Variants in NAALADL2 observed in about 807,000 individuals in gnomAD.
NAALADL2 encodes the protein inactive N-acetylated-alpha-linked acidic dipeptidase-like protein 2.
In NAALADL2, 76 loss-of-function variants were observed where a neutral mutation model predicts 87.2. The ratio of observed to expected loss-of-function variants is 0.87; its 90% CI spans 0.72 to 1.05. The LOEUF (loss-of-function observed/expected upper bound fraction) is 1.05, where lower values mean the gene tolerates loss of function less well. Among genes scored for constraint, NAALADL2 ranks in the 50% least tolerant of loss-of-function variants. NAALADL2 has a pLI of 0.00. For synonymous variants in NAALADL2, 354 were observed against 331.0 expected (o/e 1.07, Z -0.75); for missense variants, 1,089 against 945.8 (o/e 1.15, Z -1.99).
At chr3:175,456,968 T>A (rs550438322) in intron 6 of NAALADL2, among the ~76,000 whole-genome samples, 36 of 152,168 alleles carry the variant, frequency 2.4e-4, no homozygotes, top group African/African-American at 8.7e-4. Context: ...TCTGGGTCTA[T>A]CTGATGTTAT....
intron 3 of NAALADL2, among the ~76,000 whole-genome samples, chr3:174,833,051 T>C (rs1722913991): frequency 1.3e-5 from 2 of 152,336 alleles, no homozygotes; most frequent in Admixed American, 6.5e-5. Context: ...TCCTTCACTT[T>C]CTTCCATTCT....
intron 3 of NAALADL2, among the ~76,000 whole-genome samples, chr3:174,796,113 G>T (rs539881780): frequency 6.0e-4 from 91 of 152,286 alleles, no homozygotes; most frequent in African/African-American, 2.1e-3. Flanking sequence ...AAGAGAGACA[G>T]ATACGAGAGA....
At chr3:175,649,505 T>C (rs1211289465) in intron 11 of NAALADL2, among the ~76,000 whole-genome samples, 1 of 151,920 alleles carries the variant, frequency 6.6e-6, no homozygotes, top group Non-Finnish European at 1.5e-5. Context: ...TATAAATTAG[T>C]TTTCTCATAG....
intron 2 of NAALADL2, among the ~76,000 whole-genome samples, chr3:175,225,795 G>A (rs973273506): frequency 2.6e-5 from 4 of 151,966 alleles, no homozygotes; most frequent in African/African-American, 4.8e-5. Flanking sequence ...TGTCCATTCC[G>A]TGAGTCTGCT....
At chr3:175,226,681 T>G (rs1315171399) in intron 2 of NAALADL2, among the ~76,000 whole-genome samples, 1 of 152,090 alleles carries the variant, frequency 6.6e-6, no homozygotes, top group African/African-American at 2.4e-5. Context: ...TAATATAAAA[T>G]TTGTAGTTAC....
intron 11 of NAALADL2, among the ~76,000 whole-genome samples, chr3:175,667,236 AAAGAAAAAGAAAGAAAGAAAG>A (rs1560943497): frequency 5.0e-5 from 5 of 100,642 alleles, no homozygotes; most frequent in African/African-American, 3.1e-4. Context: ...AGAAAGAAAG[AAAGAAAAAGAAAGAAAGAAAG>A]AAAGAAAGGA....
Position 175,283,170 on chromosome 3 carries a change from G to A in NAALADL2, c.939+26640G>A, listed in dbSNP as rs529708609. ...ATTCAGATATACTCAATATCTATGTGCATTAATATTTTAAGATTAAGTTTA... is the reference window on the plus strand; with the variant it reads ...ATTCAGATATACTCAATATCTATGTACATTAATATTTTAAGATTAAGTTTA... On this transcript the variant is annotated intron_variant, in intron 4 of 13. Coordinates refer to ENST00000454872, the MANE Select transcript of NAALADL2 (RefSeq NM_207015.3). Among the ~76,000 whole-genome samples, 9 of 152,138 alleles carry A rather than the reference G, an allele frequency of 5.9e-5. No individual in the cohort carries two copies. The South Asian group carries it at 1.9e-3, about 32-fold the overall frequency.
intron 11 of NAALADL2, among the ~76,000 whole-genome samples, chr3:175,642,563 C>T (rs552882389): frequency 6.7e-6 from 1 of 149,654 alleles, no homozygotes; most frequent in Non-Finnish European, 1.5e-5. Context: ...TGCAGTGGTG[C>T]GATCTCGGCT....
intron 2 of NAALADL2, among the ~76,000 whole-genome samples, chr3:174,733,626 G>C (rs780835677): frequency 7.2e-5 from 11 of 152,160 alleles, no homozygotes; most frequent in Non-Finnish European, 1.3e-4. Flanking sequence ...TTCTGTTACC[G>C]AAACACCAGG....
chr3:175,585,930 C>A lies in NAALADL2; in HGVS notation c.1800+9743C>A, dbSNP rs183191531. On this transcript the variant is annotated intron_variant, in intron 10 of 13. Transcript: ENST00000454872. ...TAATTTCCATGACAATGCCACATTT[C>A]TTTGAGTAGAATATTTTTAGATTTG... Among the ~76,000 whole-genome samples the A allele has an allele frequency of 2.9e-3, 448 of 152,198 alleles. 1 individual carries two copies. Among genetic ancestry groups the A allele is most frequent in the Middle Eastern group, 0.024 (7 of 294 alleles).
intron 1 of NAALADL2, among the ~76,000 whole-genome samples, chr3:175,092,853 G>A (rs1378219713): frequency 6.6e-6 from 1 of 151,822 alleles, no homozygotes; most frequent in Admixed American, 6.6e-5. Flanking sequence ...TGTCACCTAA[G>A]TGAATAAGAT....
intron 2 of NAALADL2, among the ~76,000 whole-genome samples, chr3:174,733,839 G>T (rs1732934390): frequency 6.6e-6 from 1 of 152,122 alleles, no homozygotes; most frequent in African/African-American, 2.4e-5. Flanking sequence ...AACTTGGGAG[G>T]GTTAAGAGCA....
At chr3:175,126,056 C>T (rs1346210001) in intron 2 of NAALADL2, among the ~76,000 whole-genome samples, 1 of 152,026 alleles carries the variant, frequency 6.6e-6, no homozygotes, top group African/African-American at 2.4e-5. Flanking sequence ...CCTTGCTATA[C>T]ATAAAACAAT....
At chr3:175,585,889 A>G (rs1041575307) in intron 10 of NAALADL2, among the ~76,000 whole-genome samples, 9 of 152,218 alleles carry the variant, frequency 5.9e-5, no homozygotes, top group African/African-American at 2.2e-4. Flanking sequence ...GAGGAGATGA[A>G]CAAGTTCATG....
At chr3:175,167,729 T>G (rs1734196735) in intron 2 of NAALADL2, among the ~76,000 whole-genome samples, 1 of 152,010 alleles carries the variant, frequency 6.6e-6, no homozygotes, top group Non-Finnish European at 1.5e-5. Flanking sequence ...CATCCCCACT[T>G]CTCATGCTGC....
At chr3:175,089,943 A>G (rs2108309701) in intron 1 of NAALADL2, among the ~76,000 whole-genome samples, 1 of 152,248 alleles carries the variant, frequency 6.6e-6, no homozygotes, top group African/African-American at 2.4e-5. Context: ...CCTGAATATT[A>G]AAATTTTTTC....
chr3:175,721,679 C>T (rs986920546), intron 11 of NAALADL2, among the ~76,000 whole-genome samples: 1 of 152,072 alleles, frequency 6.6e-6, no homozygotes, highest in Non-Finnish European at 1.5e-5. Context: ...GAAATCAATA[C>T]ATCTACTATC....
intron 2 of NAALADL2, among the ~76,000 whole-genome samples, chr3:175,123,090 T>C (rs9826160): frequency 0.6 from 91,815 of 151,762 alleles, 28,293 homozygotes; most frequent in African/African-American, 0.73. Flanking sequence ...AATTCCTACC[T>C]ATTAATACAG....
intron 5 of NAALADL2, among the ~76,000 whole-genome samples, chr3:175,371,629 A>G (rs538139634): frequency 6.6e-6 from 1 of 151,976 alleles, no homozygotes; most frequent in Non-Finnish European, 1.5e-5. Context: ...GATCAAGAGT[A>G]GCCTGGCCAA....
Sources: gnomAD v4.1 joint callset for allele counts (sites outside exome capture counted in the v4.1 genomes callset) on GRCh38, gnomAD v4.1.1 for gene constraint, MANE v1.5 for transcripts, NCBI Gene and HGNC (gene_info 2026-07-23, HGNC 2026-07-21) for gene names.